Variants in KCNJ4 observed in about 807,000 individuals in gnomAD.
KCNJ4 encodes inward rectifier potassium channel 4.
Under a neutral mutation model 25.6 loss-of-function variants are expected in KCNJ4, and 3 were observed. The observed-to-expected ratio is 0.12, with a 90% CI of 0.05 to 0.30. The LOEUF is 0.30. Ranked by LOEUF, KCNJ4 falls within the 10% of genes least tolerant of loss-of-function variation. The pLI, the probability that KCNJ4 is intolerant of heterozygous loss-of-function variation, is 1.00. For synonymous variants in KCNJ4, 257 were observed against 283.9 expected (o/e 0.91, Z 0.95); for missense variants, 286 against 666.8 (o/e 0.43, Z 6.29).
chr22:38,436,274 C>T (rs1329164641), intron 1 of KCNJ4, among the ~76,000 whole-genome samples: 1 of 152,208 alleles, frequency 6.6e-6, no homozygotes, highest in East Asian at 1.9e-4. Flanking sequence ...GAACATTGCT[C>T]CCTCTTGATT....
chr22:38,432,128 C>T (rs540911998), intron 1 of KCNJ4, among the ~76,000 whole-genome samples: 123 of 151,630 alleles, frequency 8.1e-4, no homozygotes, highest in African/African-American at 1.9e-3. Context: ...TGGTGGCGGG[C>T]GCCTGTAATC....
Position 38,426,751 on chromosome 22 carries a change from C to T in KCNJ4, c.*44G>A, listed in dbSNP as rs757941148. On this transcript the variant is annotated 3_prime_UTR_variant, in exon 2 of 2. Transcript: ENST00000303592. The stretch of plus-strand genomic sequence containing the variant: ...AGGGGGTGTCCTGGCATCCCACCCC[C>T]GGCAGAGGCTCTTGTGGGCAGTGGT... 1.8e-5 allele frequency: 28 copies of T among 1,559,428 alleles called. No homozygotes were observed. Among genetic ancestry groups the T allele is most frequent in the East Asian group, 1.4e-4 (6 of 44,332 alleles).
intron 1 of KCNJ4, among the ~76,000 whole-genome samples, chr22:38,440,505 G>C (rs2089324899): frequency 6.6e-6 from 1 of 152,194 alleles, no homozygotes; most frequent in African/African-American, 2.4e-5. Flanking sequence ...TCTTGCCACT[G>C]CACTCCAGCC....
rs1162691409 is a variant in KCNJ4 at position 38,455,185 on chromosome 22, TCCCGCGCCGCTC to T, written c.-257_-246del. ...TTGGGGTCTCCGCGCGTCCCGGCCG[TCCCGCGCCGCTC>T]CCCGCGGGCCGCCCAACTTTCAGCG... On this transcript the variant is annotated 5_prime_UTR_variant, in exon 1 of 2. Transcript: ENST00000303592. 12 of 146,008 alleles carry T rather than the reference TCCCGCGCCGCTC, an allele frequency of 8.2e-5. No individual in the cohort carries two copies. The South Asian group carries it at 2.6e-3, about 31-fold the overall frequency. The allele number at this position is 146,008 out of a possible 1,614,324, so 9.0% of individuals were successfully genotyped here. A position where few individuals can be genotyped will look rare whatever the true frequency, so the allele number is the denominator to read the frequency against.
rs943409945 is a variant in KCNJ4, at chr22:38,430,503, GA to G, written c.-39-2333del. 2.7e-5 allele frequency among the ~76,000 whole-genome samples: 4 copies of G among 150,688 alleles called. No individual in the cohort carries two copies. In the East Asian group the frequency reaches 5.8e-4, roughly 22 times the overall value. Reference sequence around the variant, plus strand: ...GGGCAACAAAGTGAGACTTCGTCTCGAAAAAAAAAGAAAATGAGAAAATTGG... The same window carrying G: ...GGGCAACAAAGTGAGACTTCGTCTCGAAAAAAAAGAAAATGAGAAAATTGG... On this transcript the variant is annotated intron_variant, in intron 1 of 1. Transcript: ENST00000303592.
chr22:38,445,951 G>A (rs371948516), intron 1 of KCNJ4, among the ~76,000 whole-genome samples: 13 of 152,094 alleles, frequency 8.5e-5, no homozygotes, highest in Admixed American at 5.9e-4. Flanking sequence ...GGGAATACTG[G>A]GAAAAGTCTG....
rs751918868 is a variant in KCNJ4 at position 38,449,200 on chromosome 22, G to A, written c.-40+5780C>T. On this transcript the variant is annotated intron_variant, in intron 1 of 1. Transcript: ENST00000303592. This position sits in a 1 kb window ranked among gnomAD's most constrained non-coding sequence, Gnocchi z 5.2. ...GGAAGGAAAGGGGAGGCCTAGGCTGGCAGACATGTACCCACCTCCCTTCAG... is the reference window on the plus strand; with the variant it reads ...GGAAGGAAAGGGGAGGCCTAGGCTGACAGACATGTACCCACCTCCCTTCAG... Among the ~76,000 whole-genome samples, 16 of 152,152 alleles carry A rather than the reference G, an allele frequency of 1.1e-4. No individual in the cohort carries two copies. The highest frequency in any genetic ancestry group is 2.1e-4 in the Non-Finnish European group (14 of 68,018).
intron 1 of KCNJ4, among the ~76,000 whole-genome samples, chr22:38,435,798 C>T (rs2093063823): frequency 6.6e-6 from 1 of 152,144 alleles, no homozygotes; most frequent in Non-Finnish European, 1.5e-5. Flanking sequence ...GCCCTCAGGT[C>T]TGGTTTGATT....
intron 1 of KCNJ4, among the ~76,000 whole-genome samples, chr22:38,432,864 G>A (rs772692842): frequency 3.9e-5 from 6 of 151,972 alleles, no homozygotes; most frequent in South Asian, 2.1e-4. Context: ...CCAGCTTCTC[G>A]GGAGGCTGAG....
In KCNJ4 at chr22:38,428,186, C is replaced by T. The variant is rs1176128538; in HGVS notation, c.-39-15G>A. ...AGACGCAGGGCCTGCGGAGGAGAAG[C>T]CGGACAGGTGAGATGCTGGGGAGCG... is the stretch of plus-strand genomic sequence containing the variant. On this transcript the variant is annotated splice_polypyrimidine_tract_variant and intron_variant, in intron 1 of 1. Transcript: ENST00000303592. The T allele has an allele frequency of 1.3e-6, 2 of 1,560,376 alleles. No homozygotes were observed. Among genetic ancestry groups the T allele is most frequent in the East Asian group, 2.3e-5 (1 of 44,410 alleles).
At chr22:38,453,481 C>G (rs1342440019) in intron 1 of KCNJ4, among the ~76,000 whole-genome samples, 1 of 152,166 alleles carries the variant, frequency 6.6e-6, no homozygotes, top group Non-Finnish European at 1.5e-5. Context: ...CCTTCGTCAG[C>G]TATTTCCGCC....
At chr22:38,447,003 AGG>A in intron 1 of KCNJ4, among the ~76,000 whole-genome samples, 1 of 150,904 alleles carries the variant, frequency 6.6e-6, no homozygotes, top group South Asian at 2.1e-4. Flanking sequence ...CTTACGGGGC[AGG>A]GGGTAAAGGC....
intron 1 of KCNJ4, among the ~76,000 whole-genome samples, chr22:38,447,089 T>C (rs1602644214): frequency 6.6e-6 from 1 of 152,284 alleles, no homozygotes; most frequent in East Asian, 1.9e-4. Context: ...CCAGATCTTC[T>C]GTTTCCCAGT....
intron 1 of KCNJ4, among the ~76,000 whole-genome samples, chr22:38,445,639 C>T (rs901248739): frequency 3.3e-5 from 5 of 152,238 alleles, no homozygotes; most frequent in African/African-American, 9.6e-5. Context: ...CCACTGCACC[C>T]GGCTATATAT....
At position 38,428,175 on chromosome 22, in the gene KCNJ4, C is replaced by T. The variant is rs374000574; in HGVS notation, c.-39-4G>A. 4.5e-6 allele frequency: 7 copies of T among 1,571,054 alleles called. No homozygotes were observed. The highest frequency in any genetic ancestry group is 3.5e-5 in the Admixed American group (2 of 57,022). On this transcript the variant is annotated splice_polypyrimidine_tract_variant and splice_region_variant and intron_variant, in intron 1 of 1. Transcript: ENST00000303592. The stretch of plus-strand genomic sequence containing the variant: ...GTCACCTGGGAAGACGCAGGGCCTG[C>T]GGAGGAGAAGCCGGACAGGTGAGAT...
chr22:38,427,424 G>C lies in KCNJ4; in HGVS notation c.709C>G (p.Leu237Val), dbSNP rs1328886654. 1 of 1,613,904 alleles carries C rather than the reference G, an allele frequency of 6.2e-7. No homozygotes were observed. The highest frequency in any genetic ancestry group is 1.1e-5 in the South Asian group (1 of 91,090). The part of the protein sequence containing the change: ...YMTQEGEYLP[L>V]DQRDLNVGYD... Reference sequence around the variant, plus strand: ...CCCACGTTGAGGTCCCGCTGGTCCAGGGGCAGGTACTCGCCCTCCTGGGTC... The same window carrying C: ...CCCACGTTGAGGTCCCGCTGGTCCACGGGCAGGTACTCGCCCTCCTGGGTC... The change falls in exon 2 of 2, where the codon CTG becomes GTG. Residue 237 changes from leucine to valine, a missense_variant. Coordinates refer to ENST00000303592, the MANE Select transcript of KCNJ4 (RefSeq NM_152868.3).
chr22:38,437,852 T>C (rs1342413394), intron 1 of KCNJ4, among the ~76,000 whole-genome samples: 8 of 151,976 alleles, frequency 5.3e-5, no homozygotes, highest in Non-Finnish European at 1.0e-4. Flanking sequence ...CCTGTAATCC[T>C]AGCACTTTGG....
chr22:38,431,266 T>C (rs2093048880), intron 1 of KCNJ4, among the ~76,000 whole-genome samples: 1 of 152,164 alleles, frequency 6.6e-6, no homozygotes, highest in South Asian at 2.1e-4. Context: ...TCCCCACCTC[T>C]GGAGGGGCCT....
chr22:38,446,996 ACGGGGC>A (rs1569124205), intron 1 of KCNJ4, among the ~76,000 whole-genome samples: 9 of 150,896 alleles, frequency 6.0e-5, no homozygotes, highest in African/African-American at 2.2e-4. Flanking sequence ...GCCCACCCTT[ACGGGGC>A]AGGGGGTAAA....
Sources: allele counts gnomAD v4.1 joint callset (sites outside exome capture counted in the v4.1 genomes callset), GRCh38; gene constraint gnomAD v4.1.1; non-coding constraint Gnocchi (gnomAD v3.1); transcripts MANE v1.5; gene names NCBI Gene and HGNC (gene_info 2026-07-23, HGNC 2026-07-21).